The following UTRN variants were observed in gnomAD, a reference collection of about 807,000 sequenced individuals.
UTRN encodes utrophin.
In UTRN, 283 loss-of-function variants were observed where a neutral mutation model predicts 463.9. That is an observed-to-expected ratio of 0.61 (90% CI 0.55 to 0.67). UTRN has a LOEUF of 0.67. Ranked by LOEUF, UTRN falls within the 30% of genes least tolerant of loss-of-function variation. The pLI, the probability that UTRN is intolerant of heterozygous loss-of-function variation, is 0.00. For synonymous variants in UTRN, 1,442 were observed against 1,431.5 expected (o/e 1.01, Z -0.17); for missense variants, 3,922 against 4,084.3 (o/e 0.96, Z 1.08).
At chr6:144,607,817 G>C (rs1428002394) in intron 51 of UTRN, among the ~76,000 whole-genome samples, 7 of 152,178 alleles carry the variant, frequency 4.6e-5, no homozygotes, top group Admixed American at 2.0e-4. Flanking sequence ...GGAAGAGATT[G>C]AAACAAGAAC....
At chr6:144,401,322 A>G (rs1032292033) in intron 2 of UTRN, among the ~76,000 whole-genome samples, 2 of 152,144 alleles carry the variant, frequency 1.3e-5, no homozygotes, top group African/African-American at 2.4e-5. Flanking sequence ...TATTAAATTC[A>G]TTTTGGTGAG....
At chr6:144,562,074 G>T (rs1387165081) in intron 50 of UTRN, among the ~76,000 whole-genome samples, 1 of 151,882 alleles carries the variant, frequency 6.6e-6, no homozygotes, top group African/African-American at 2.4e-5. Flanking sequence ...AGTTTCCTTG[G>T]TTTGCAGAAT....
intron 39 of UTRN, among the ~76,000 whole-genome samples, chr6:144,521,311 A>T (rs1276453877): frequency 1.3e-5 from 2 of 151,908 alleles, no homozygotes; most frequent in Non-Finnish European, 2.9e-5. Flanking sequence ...AATAAAAATG[A>T]AAAAGAAAGC....
chr6:144,743,411 A>G (rs1457114863), intron 54 of UTRN, among the ~76,000 whole-genome samples: 2 of 152,256 alleles, frequency 1.3e-5, no homozygotes, highest in African/African-American at 4.8e-5. Flanking sequence ...ATAGCTTTGC[A>G]TAAGCACTCA....
chr6:144,564,944 A>G lies in UTRN; in HGVS notation c.7289+7633A>G, dbSNP rs893455747. ...AAGGGAGTGACACTGTCTAATGTGT[A>G]TATATATTAAAATTTAATCTCTCTG... On this transcript the variant is annotated intron_variant, in intron 50 of 74. Transcript: ENST00000367545. Among the ~76,000 whole-genome samples the G allele has an allele frequency of 2.0e-5, 3 of 152,162 alleles. No individual in the cohort carries two copies. In the East Asian group the frequency reaches 5.8e-4, roughly 29 times the overall value.
chr6:144,392,346 G>A (rs1455320940), intron 2 of UTRN, among the ~76,000 whole-genome samples: 1 of 152,154 alleles, frequency 6.6e-6, no homozygotes. Context: ...CCAGCCAATG[G>A]CTGAACATAG....
rs1241925173 is a variant in UTRN at position 144,474,639 on chromosome 6, T to C, written c.3216T>C (p.Ser1072=). The part of the protein sequence containing the change: ...FVNEIETIES[S]LKNMKEIETN... ...ATGAAATAGAAACAATTGAATCATC[T>C]CTGAAAAACATGAAGGAAATAGAGA... The change falls in exon 25 of 75, where the codon TCT becomes TCC. Residue 1072 remains serine, a synonymous_variant. Transcript: ENST00000367545. The C allele has an allele frequency of 9.3e-6, 15 of 1,613,464 alleles. No homozygotes were observed. The highest frequency in any genetic ancestry group is 1.2e-5 in the Non-Finnish European group (14 of 1,179,858).
At chr6:144,504,117 A>G (rs1158633256) in intron 34 of UTRN, among the ~76,000 whole-genome samples, 1 of 152,172 alleles carries the variant, frequency 6.6e-6, no homozygotes, top group Non-Finnish European at 1.5e-5. Flanking sequence ...GAAATTGCTT[A>G]TCAGTTTAAG....
At position 144,516,232 on chromosome 6, in the gene UTRN, C is replaced by T; in HGVS notation, c.5248C>T (p.Leu1750=). The T allele has an allele frequency of 1.2e-6, 2 of 1,611,122 alleles. No individual in the cohort carries two copies. Among genetic ancestry groups the T allele is most frequent in the South Asian group, 2.2e-5 (2 of 90,000 alleles). ...GAGAATTCTTTTCCTTCTACAGTTG[C>T]TAATTGCTCAGGAACCATTATACCA... ...VSQHIKSAKL[L]IAQEPLYQCL... The change falls in exon 38 of 75, where the codon CTA becomes TTA. Residue 1750 remains leucine (L), a synonymous_variant. Coordinates refer to ENST00000367545, the MANE Select transcript of UTRN (RefSeq NM_007124.3).
chr6:144,561,367 T>C (rs1355241699), intron 50 of UTRN, among the ~76,000 whole-genome samples: 1 of 150,608 alleles, frequency 6.6e-6, no homozygotes, highest in African/African-American at 2.4e-5. Flanking sequence ...TATAACTGTG[T>C]GTATAGACGT....
chr6:144,748,312 A>G lies in UTRN; in HGVS notation c.8006A>G (p.Lys2669Arg), dbSNP rs749994564. 1.2e-6 allele frequency: 2 copies of G among 1,613,514 alleles called. No homozygotes were observed. The highest frequency in any genetic ancestry group is 1.7e-6 in the Non-Finnish European group (2 of 1,179,900). The change falls in exon 55 of 75, where the codon AAA becomes AGA. Residue 2669 changes from lysine (K) to arginine (R), a missense_variant. By Grantham distance (26) the Lys-to-Arg change is conservative. This residue lies in a region of UTRN where 1,309 missense variants were observed against 1,452.6 expected (regional missense o/e 0.90). Coordinates refer to ENST00000367545, the MANE Select transcript of UTRN (RefSeq NM_007124.3). ...ATGCGCAAACAGTCTTCTGAAGTCA[A>G]AGAAAAATGGGAAAGTCTAAATGCT... ...KAMRKQSSEV[K>R]EKWESLNAVT...
At chr6:144,465,237 C>G (rs570105430) in intron 23 of UTRN, among the ~76,000 whole-genome samples, 3 of 152,182 alleles carry the variant, frequency 2.0e-5, no homozygotes, top group Admixed American at 6.5e-5. Context: ...TCTTTTGACT[C>G]TTAAAAGTAT....
intron 5 of UTRN, 91 bp downstream of exon 5, chr6:144,423,717 C>T (rs745994123): frequency 1.4e-6 from 2 of 1,402,178 alleles, no homozygotes; most frequent in Non-Finnish European, 2.0e-6. Flanking sequence ...TTGGCATCCA[C>T]TGATTCTTGC....
chr6:144,424,083 G>C lies in UTRN; in HGVS notation c.405+5G>C. The C allele has an allele frequency of 6.2e-7, 1 of 1,612,420 alleles. No homozygotes were observed. Among genetic ancestry groups the C allele is most frequent in the Non-Finnish European group, 8.5e-7 (1 of 1,179,490 alleles). On this transcript the variant is annotated splice_donor_5th_base_variant and intron_variant, in intron 6 of 74. Coordinates refer to ENST00000367545, the MANE Select transcript of UTRN (RefSeq NM_007124.3). Reference sequence around the variant, plus strand: ...AGCATCATTTTGCACTGGCAGGTGGGGAAATTTCCAATCACTTTTTAATAG... The same window carrying C: ...AGCATCATTTTGCACTGGCAGGTGGCGAAATTTCCAATCACTTTTTAATAG...
chr6:144,664,402 T>G (rs1780177622), intron 51 of UTRN, among the ~76,000 whole-genome samples: 1 of 152,164 alleles, frequency 6.6e-6, no homozygotes, highest in African/African-American at 2.4e-5. Flanking sequence ...ATTTGTTTGT[T>G]CAGTTTTCAT....
intron 52 of UTRN, among the ~76,000 whole-genome samples, chr6:144,681,727 A>G (rs1165237635): frequency 1.3e-5 from 2 of 152,184 alleles, no homozygotes; most frequent in African/African-American, 2.4e-5. Context: ...CTATTATTAT[A>G]GTTGATAGTA....
intron 54 of UTRN, among the ~76,000 whole-genome samples, chr6:144,740,506 G>A (rs1163071538): frequency 2.0e-5 from 3 of 152,246 alleles, no homozygotes; most frequent in South Asian, 4.2e-4. Context: ...TATAGACCAC[G>A]ACAATAATTT....
Position 144,516,860 on chromosome 6 carries a change from A to G in UTRN, c.5453A>G (p.Glu1818Gly). 1 of 1,516,250 alleles carries G rather than the reference A, an allele frequency of 6.6e-7. No individual in the cohort carries two copies. 93.9% of individuals were successfully genotyped at this position (1,516,250 alleles called of 1,614,324 possible). ...QIEEVLQRGE[E>G]MLHQPMEDNK... ...GAGGAAGTTCTACAAAGAGGAGAAG[A>G]AATGTTACATCAACCTATGGAAGAT... The change falls in exon 39 of 75, where the codon GAA (glutamate) becomes GGA (glycine). Residue 1818 changes from glutamate (E) to glycine (G), a missense_variant. Coordinates refer to ENST00000367545, the MANE Select transcript of UTRN (RefSeq NM_007124.3).
At chr6:144,354,971 A>G (rs1483577190) in intron 2 of UTRN, among the ~76,000 whole-genome samples, 1 of 152,136 alleles carries the variant, frequency 6.6e-6, no homozygotes, top group Non-Finnish European at 1.5e-5. Context: ...CATGAGCCTG[A>G]AGAAAGTCCT....
Sources: gnomAD v4.1 joint callset for allele counts (sites outside exome capture counted in the v4.1 genomes callset) on GRCh38, gnomAD v4.1.1 for gene constraint, gnomAD v4.1.1 regional missense constraint, MANE v1.5 for transcripts, NCBI Gene and HGNC (gene_info 2026-07-23, HGNC 2026-07-21) for gene names.